Variants in ARV1 observed in about 807,000 individuals in gnomAD.
ARV1 encodes protein ARV1.
Under a neutral mutation model 31.1 loss-of-function variants are expected in ARV1, and 26 were observed. The observed-to-expected ratio is 0.84, with a 90% confidence interval of 0.61 to 1.16. The LOEUF (loss-of-function observed/expected upper bound fraction) is 1.16. ARV1 is among the 50% of genes most tolerant of loss of function. ARV1 has a pLI of 0.00. For missense variants in ARV1, 281 were observed against 324.9 expected (o/e 0.86, Z 1.04); for synonymous variants, 117 against 123.2 (o/e 0.95, Z 0.34).
chr1:230,980,987 C>G (rs886995420), intron 1 of ARV1, among the ~76,000 whole-genome samples: 2 of 152,306 alleles, frequency 1.3e-5, no homozygotes, highest in Non-Finnish European at 2.9e-5. Context: ...TTTGCTAAAT[C>G]CAGTAGTCGA....
chr1:230,979,395 C>T (rs1678757294), intron 1 of ARV1, 116 bp downstream of exon 1: 11 of 1,201,416 alleles, frequency 9.2e-6, no homozygotes, highest in South Asian at 4.1e-5. Flanking sequence ...CATTCCCGCC[C>T]GGGATCTTTG....
chr1:230,982,344 T>C (rs1678932702), intron 1 of ARV1, among the ~76,000 whole-genome samples: 2 of 152,378 alleles, frequency 1.3e-5, no homozygotes, highest in South Asian at 4.1e-4. Context: ...GAATATGGTC[T>C]GAAGAAAAGC....
intron 3 of ARV1, chr1:230,990,485 T>C (rs554791078): frequency 5.2e-5 from 25 of 476,350 alleles, no homozygotes; most frequent in Non-Finnish European, 8.8e-5. Flanking sequence ...GAAGTAGTTA[T>C]GCTTATCGGA....
At chr1:230,996,072 C>A in intron 4 of ARV1, 88 bp downstream of exon 4, 1 of 996,780 alleles carries the variant, frequency 1.0e-6, no homozygotes, top group Non-Finnish European at 1.5e-6. Context: ...TTTATATAAC[C>A]TGTTGAACAC....
chr1:230,984,139 A>G (rs1436497421), intron 1 of ARV1, among the ~76,000 whole-genome samples: 2 of 152,032 alleles, frequency 1.3e-5, no homozygotes, highest in African/African-American at 4.8e-5. Flanking sequence ...AGCCCCAACT[A>G]CTCAGGAGGT....
chr1:230,990,129 T>A lies in ARV1; in HGVS notation c.314T>A (p.Ile105Lys). ...TQINIHGKLC[I>K]FCLLCEAYLR... ...TATCAGATCCATGGAAAACTCTGCA[T>A]ATTTTGTTTGCTTTGTGAAGCATAC... Residue 105 changes from isoleucine (I) to lysine (K), a missense_variant, in exon 3 of 6, where the codon ATA becomes AAA. Physicochemically the swap from Ile to Lys is moderately radical, Grantham distance 102. Transcript: ENST00000310256. 6.2e-7 allele frequency: 1 copy of A among 1,606,430 alleles called. No individual in the cohort carries two copies. Among genetic ancestry groups the A allele is most frequent in the Non-Finnish European group, 8.5e-7 (1 of 1,178,178 alleles).
chr1:230,998,777 G>A (rs1387465996), intron 5 of ARV1, among the ~76,000 whole-genome samples: 3 of 152,066 alleles, frequency 2.0e-5, no homozygotes, highest in South Asian at 2.1e-4. Flanking sequence ...TGGGCATGGT[G>A]GCGTACACCT....
chr1:230,984,361 T>TGTGTGTGCGCGC (rs10628275), intron 1 of ARV1, among the ~76,000 whole-genome samples: 2 of 103,338 alleles, frequency 1.9e-5, no homozygotes, highest in South Asian at 3.1e-4. Flanking sequence ...TGTGTGTGTG[T>TGTGTGTGCGCGC]GCGTGTGTGT....
Position 230,979,223 on chromosome 1 carries a change from GA to G in ARV1, c.119del (p.Glu40GlyfsTer14). On this transcript the variant is annotated frameshift_variant, in exon 1 of 6. Coordinates refer to ENST00000310256, the MANE Select transcript of ARV1 (RefSeq NM_022786.3). LOFTEE classifies it high-confidence loss of function. Reference protein sequence around the residue: ...CQYRCIECNQEAKELYRDYNH... With the variant: ...CQYRCIECNQXAKELYRDYNH... ...GTACAGGTGCATCGAATGCAACCAG[GA>G]GGCCAAAGAGTTGTACCGAGACTAT... 6.2e-7 allele frequency: 1 copy of G among 1,613,662 alleles called. No homozygotes were observed. Among genetic ancestry groups the G allele is most frequent in the East Asian group, 2.2e-5 (1 of 44,820 alleles).
intron 5 of ARV1, among the ~76,000 whole-genome samples, chr1:230,999,198 G>T (rs945771678): frequency 1.9e-4 from 29 of 152,262 alleles, no homozygotes; most frequent in African/African-American, 6.3e-4. Context: ...GGACGGTCCT[G>T]CCATTACCTC....
chr1:230,985,939 C>T (rs900308674), intron 1 of ARV1, among the ~76,000 whole-genome samples: 8 of 145,582 alleles, frequency 5.5e-5, no homozygotes, highest in Non-Finnish European at 1.1e-4. Context: ...TTTTTTGAGA[C>T]GGAATCTTGC....
chr1:230,998,758 A>C (rs1679446615), intron 5 of ARV1, among the ~76,000 whole-genome samples: 1 of 151,892 alleles, frequency 6.6e-6, no homozygotes, highest in Non-Finnish European at 1.5e-5. Flanking sequence ...AAAAAAAAAA[A>C]ACAATAGCTG....
intron 4 of ARV1, among the ~76,000 whole-genome samples, 167 bp downstream of exon 4, chr1:230,996,151 G>A (rs376674103): frequency 6.6e-6 from 1 of 152,164 alleles, no homozygotes; most frequent in South Asian, 2.1e-4. Flanking sequence ...CAGGTACTCA[G>A]TGTTTGTTAC....
At chr1:230,991,727 G>A (rs1297544118) in intron 3 of ARV1, among the ~76,000 whole-genome samples, 1 of 151,784 alleles carries the variant, frequency 6.6e-6, no homozygotes. Context: ...TGCCTCCTGG[G>A]TTCAAGCAGT....
chr1:230,985,596 A>G (rs553099459), intron 1 of ARV1, among the ~76,000 whole-genome samples: 1 of 152,324 alleles, frequency 6.6e-6, no homozygotes, highest in East Asian at 1.9e-4. Context: ...CCTCCTTCCA[A>G]GTATTGTCCA....
At chr1:230,983,624 G>A (rs977165631) in intron 1 of ARV1, among the ~76,000 whole-genome samples, 1 of 152,090 alleles carries the variant, frequency 6.6e-6, no homozygotes. Flanking sequence ...CCCTTGAGGA[G>A]CTTAAAGACT....
intron 3 of ARV1, among the ~76,000 whole-genome samples, chr1:230,995,426 A>T (rs960997444): frequency 1.3e-5 from 2 of 152,236 alleles, no homozygotes; most frequent in East Asian, 3.9e-4. Flanking sequence ...TTCTTTGGAG[A>T]TCTCTTACAC....
In ARV1 at chr1:230,991,947, A is replaced by T. The variant is rs573410633; in HGVS notation, c.448+1684A>T. 7.2e-5 allele frequency among the ~76,000 whole-genome samples: 11 copies of T among 152,034 alleles called. No individual in the cohort carries two copies. The South Asian group carries it at 1.7e-3, about 23-fold the overall frequency. ...CCAGCCACACTTCTACTATTATACTACTGCTACCCTCCATTCCCTCCACGG... is the reference window on the plus strand; with the variant it reads ...CCAGCCACACTTCTACTATTATACTTCTGCTACCCTCCATTCCCTCCACGG... On this transcript the variant is annotated intron_variant, in intron 3 of 5. Coordinates refer to ENST00000310256, the MANE Select transcript of ARV1 (RefSeq NM_022786.3).
Position 230,995,600 on chromosome 1 carries a change from C to G in ARV1, c.449-160C>G, listed in dbSNP as rs888243952. ...GTTTATTTAAAAAAAAAAAACAACA[C>G]ACAAACAAAAAGAAGAAGAAAAAGA... On this transcript the variant is annotated intron_variant, in intron 3 of 5. Coordinates refer to ENST00000310256, the MANE Select transcript of ARV1 (RefSeq NM_022786.3). Among the ~76,000 whole-genome samples, 11 of 142,634 alleles carry G rather than the reference C, an allele frequency of 7.7e-5. No individual in the cohort carries two copies. The East Asian group carries it at 2.2e-3, about 28-fold the overall frequency. 93.6% of individuals were successfully genotyped at this position (142,634 alleles called of 152,430 possible). A position where few individuals can be genotyped will look rare whatever the true frequency, so the allele number is the denominator to read the frequency against.
Sources: gnomAD v4.1 joint callset for allele counts (sites outside exome capture counted in the v4.1 genomes callset) on GRCh38, gnomAD v4.1.1 for gene constraint, MANE v1.5 for transcripts, NCBI Gene and HGNC (gene_info 2026-07-23, HGNC 2026-07-21) for gene names.